The following ADGRV1 variants were observed in gnomAD, a reference collection of about 807,000 sequenced individuals.
ADGRV1 encodes the protein adhesion G protein-coupled receptor V1, also known as G-protein coupled receptor 98.
Under a neutral mutation model 596.2 loss-of-function variants are expected in ADGRV1, and 359 were observed. The observed-to-expected ratio is 0.60, with a 90% CI of 0.55 to 0.66. The LOEUF (loss-of-function observed/expected upper bound fraction) is 0.66, where lower values mean the gene tolerates loss of function less well. Among genes scored for constraint, ADGRV1 ranks in the 30% least tolerant of loss-of-function variants. ADGRV1 has a pLI of 0.00. For synonymous variants in ADGRV1, 2,681 were observed against 2,679.2 expected, an observed-to-expected ratio of 1.00 and a Z score of -0.02; for missense variants, 7,274 against 7,575.6, an observed-to-expected ratio of 0.96 and a Z score of 1.48.
In ADGRV1 at chr5:90,934,174, C is replaced by T. The variant is rs965783767; in HGVS notation, c.17857-31241C>T. Among the ~76,000 whole-genome samples the T allele has an allele frequency of 2.6e-5, 4 of 152,170 alleles. No individual in the cohort carries two copies. The South Asian group carries it at 6.2e-4, about 24-fold the overall frequency. The stretch of plus-strand genomic sequence containing the variant: ...TGCTTCCTCTTCATCTCTCCCCTTC[C>T]GACCCTACAGGTCTCTAGATCTGTT... On this transcript the variant is annotated intron_variant, in intron 83 of 89. Transcript: ENST00000405460.
chr5:90,627,343 A>G lies in ADGRV1; in HGVS notation c.805A>G (p.Ile269Val). 1 of 1,613,942 alleles carries G rather than the reference A, an allele frequency of 6.2e-7. No homozygotes were observed. The highest frequency in any genetic ancestry group is 8.5e-7 in the Non-Finnish European group (1 of 1,179,832). Residue 269 changes from isoleucine to valine, a missense_variant, in exon 7 of 90, where the codon ATT becomes GTT. Physicochemically the swap from Ile to Val is conservative, Grantham distance 29. This residue lies in a region of ADGRV1 where 1,715 missense variants were observed against 1,708.8 expected (regional missense o/e 1.00). Coordinates refer to ENST00000405460, the MANE Select transcript of ADGRV1 (RefSeq NM_032119.4). ...NDSPVRFLQSIYLVPEEDHIL... is the reference protein window; with the variant it reads ...NDSPVRFLQSVYLVPEEDHIL... ...TAGTCCCGTGAGATTCCTTCAGAGT[A>G]TTTATTTGGTTCCTGAGGAAGACCA...
At chr5:90,724,571 G>C (rs116165730) in intron 45 of ADGRV1, among the ~76,000 whole-genome samples, 1 of 152,154 alleles carries the variant, frequency 6.6e-6, no homozygotes, top group Non-Finnish European at 1.5e-5. Context: ...AAAAGTATGT[G>C]TAGGTATAAA....
chr5:90,937,184 T>C (rs1201037485), intron 83 of ADGRV1, among the ~76,000 whole-genome samples: 1 of 152,188 alleles, frequency 6.6e-6, no homozygotes, highest in Admixed American at 6.5e-5. Context: ...CTTTGTACTT[T>C]CAACCTAATG....
intron 86 of ADGRV1, among the ~76,000 whole-genome samples, chr5:91,087,370 C>T (rs978237945): frequency 6.6e-6 from 1 of 152,098 alleles, no homozygotes; most frequent in African/African-American, 2.4e-5. Context: ...GATCTTGGCT[C>T]ACTGCAACCT....
At chr5:91,090,907 G>T (rs188388052) in intron 86 of ADGRV1, among the ~76,000 whole-genome samples, 1 of 152,074 alleles carries the variant, frequency 6.6e-6, no homozygotes, top group African/African-American at 2.4e-5. Context: ...GGATGGGATA[G>T]GATAGGATAG....
At chr5:90,863,291 CT>C in intron 82 of ADGRV1, among the ~76,000 whole-genome samples, 1 of 152,260 alleles carries the variant, frequency 6.6e-6, no homozygotes, top group East Asian at 1.9e-4. Context: ...TTCAAACAAA[CT>C]CAAAGATAAT....
Position 90,745,390 on chromosome 5 carries a change from A to T in ADGRV1, c.10769+125A>T, listed in dbSNP as rs568135487. 2.9e-4 allele frequency: 212 copies of T among 736,638 alleles called. No individual in the cohort carries two copies. In the African/African-American group the frequency reaches 3.2e-3, roughly 11 times the overall value. The allele number at this position is 736,638 out of a possible 1,614,324, so 45.6% of individuals were successfully genotyped here. On this transcript the variant is annotated intron_variant, in intron 51 of 89. Transcript: ENST00000405460. ...ATATAAGAGCTATTTATCAGCCTGA[A>T]ATTTGGTTATTATCCATGTTTCTAA...
At chr5:90,903,168 T>A (rs1772007203) in intron 83 of ADGRV1, among the ~76,000 whole-genome samples, 1 of 152,094 alleles carries the variant, frequency 6.6e-6, no homozygotes, top group Non-Finnish European at 1.5e-5. Flanking sequence ...AAAAATCCTA[T>A]TGGATCATAA....
chr5:90,900,695 C>T (rs1771759440), intron 83 of ADGRV1, among the ~76,000 whole-genome samples: 2 of 152,092 alleles, frequency 1.3e-5, no homozygotes, highest in South Asian at 4.1e-4. Flanking sequence ...GCTGCTTTGA[C>T]ACAATTCATC....
intron 9 of ADGRV1, among the ~76,000 whole-genome samples, chr5:90,633,028 C>T (rs867973120): frequency 5.9e-5 from 9 of 152,144 alleles, no homozygotes; most frequent in African/African-American, 1.4e-4. Flanking sequence ...ATTCTTTAGT[C>T]GCTCCTCATT....
Position 90,683,363 on chromosome 5 carries a change from A to G in ADGRV1, c.5665-223A>G, listed in dbSNP as rs1194888009. ...ATAACTGGGACTACAGGCATGTGCC[A>G]CTGCACTCGGCATAGTCACTTTTTA... On this transcript the variant is annotated intron_variant, in intron 27 of 89. Coordinates refer to ENST00000405460, the MANE Select transcript of ADGRV1 (RefSeq NM_032119.4). 3.9e-5 allele frequency among the ~76,000 whole-genome samples: 6 copies of G among 152,274 alleles called. No individual in the cohort carries two copies. In the East Asian group the frequency reaches 1.2e-3, roughly 29 times the overall value.
intron 27 of ADGRV1, among the ~76,000 whole-genome samples, chr5:90,682,655 A>T (rs1745098512): frequency 6.6e-6 from 1 of 152,214 alleles, no homozygotes; most frequent in African/African-American, 2.4e-5. Context: ...GATAAATTCA[A>T]CACCTTAGAA....
In ADGRV1 at chr5:90,654,099, T is replaced by C; in HGVS notation, c.4378+147T>C. The C allele has an allele frequency of 4.8e-6, 4 of 826,846 alleles. No homozygotes were observed. In the South Asian group the frequency reaches 6.6e-5, roughly 14 times the overall value. The allele number at this position is 826,846 out of a possible 1,614,324, so 51.2% of individuals were successfully genotyped here. A position where few individuals can be genotyped will look rare whatever the true frequency, so the allele number is the denominator to read the frequency against. ...ATTTCTTTAATCAAAACTATGTGCC[T>C]ACCAAGATAATGAGAAATTCTGTCC... On this transcript the variant is annotated intron_variant, in intron 20 of 89. Transcript: ENST00000405460.
intron 23 of ADGRV1, 51 bp downstream of exon 23, chr5:90,674,285 G>T: frequency 7.0e-7 from 1 of 1,421,010 alleles, no homozygotes. Context: ...GGTGTACTTA[G>T]TTTTGTTAAG....
At chr5:90,730,608 A>G (rs1754209186) in intron 50 of ADGRV1, among the ~76,000 whole-genome samples, 1 of 152,210 alleles carries the variant, frequency 6.6e-6, no homozygotes, top group Non-Finnish European at 1.5e-5. Flanking sequence ...TTTCAGAAAC[A>G]AAGTCGATTG....
At position 90,828,953 on chromosome 5, in the gene ADGRV1, G is replaced by T. The variant is rs763284000; in HGVS notation, c.16378G>T (p.Val5460Phe). The change falls in exon 77 of 90, where the codon GTT becomes TTT. Residue 5460 changes from valine (V) to phenylalanine (F), a missense_variant. Transcript: ENST00000405460. ...TTTTTCTCATTGTCAGGTACCACAG[G>T]TTGAAGTGTATTTTTTTGTGGAACT... ...IELKPEKVPQ[V>F]EVYFFVELYE... 1.1e-5 allele frequency: 18 copies of T among 1,579,322 alleles called. No homozygotes were observed. Among genetic ancestry groups the T allele is most frequent in the Non-Finnish European group, 8.6e-7 (1 of 1,159,190 alleles).
chr5:90,862,092 C>T (rs535955097), intron 82 of ADGRV1, among the ~76,000 whole-genome samples: 4 of 152,088 alleles, frequency 2.6e-5, no homozygotes, highest in Non-Finnish European at 5.9e-5. Flanking sequence ...TATTTCTAAG[C>T]TGGTCAAATT....
At chr5:90,983,853 G>A (rs1219256036) in intron 84 of ADGRV1, among the ~76,000 whole-genome samples, 12 of 152,120 alleles carry the variant, frequency 7.9e-5, no homozygotes, top group Admixed American at 7.9e-4. Context: ...CCCTGGTTTA[G>A]CCTAATACTA....
intron 86 of ADGRV1, among the ~76,000 whole-genome samples, chr5:91,090,103 G>A (rs549136404): frequency 6.6e-6 from 1 of 152,226 alleles, no homozygotes; most frequent in East Asian, 1.9e-4. Context: ...TACTACGACA[G>A]CTGTAAACCC....
Sources: allele counts gnomAD v4.1 joint callset (sites outside exome capture counted in the v4.1 genomes callset), GRCh38; gene constraint gnomAD v4.1.1; regional missense constraint gnomAD v4.1.1; transcripts MANE v1.5; gene names NCBI Gene and HGNC (gene_info 2026-07-23, HGNC 2026-07-21).